Variants in TSPAN13 observed in about 807,000 individuals in gnomAD.
The protein encoded by TSPAN13 is tetraspanin-13.
In TSPAN13, 18 loss-of-function variants were observed where a neutral mutation model predicts 26.9. That is an observed-to-expected ratio of 0.67 (90% CI 0.46 to 0.99). The LOEUF (loss-of-function observed/expected upper bound fraction) is 0.99. Among genes scored for constraint, TSPAN13 ranks in the 50% least tolerant of loss-of-function variants. The probability of loss-of-function intolerance (pLI) is 0.00; values close to 1 mark genes in which losing one functional copy is unlikely to be tolerated. For missense variants in TSPAN13, 201 were observed against 249.6 expected, an observed-to-expected ratio of 0.81 and a Z score of 1.31; for synonymous variants, 116 against 98.4, an observed-to-expected ratio of 1.18 and a Z score of -1.06.
In TSPAN13 at chr7:16,784,055, T is replaced by C. The variant is rs1001856505; in HGVS notation, c.*564T>C. On this transcript the variant is annotated 3_prime_UTR_variant, in exon 6 of 6. Coordinates refer to ENST00000262067, the MANE Select transcript of TSPAN13 (RefSeq NM_014399.4). ...CTTTTATGATTACACCAATGTATTC[T>C]AGAAATAGTTATGTCTTAGGAAATT... The C allele has an allele frequency of 6.5e-6, 1 of 152,728 alleles. No individual in the cohort carries two copies. Among genetic ancestry groups the C allele is most frequent in the Non-Finnish European group, 1.5e-5 (1 of 68,100 alleles). 9.5% of individuals were successfully genotyped at this position (152,728 alleles called of 1,614,324 possible). A position where few individuals can be genotyped will look rare whatever the true frequency, so the allele number is the denominator to read the frequency against.
At chr7:16,761,485 A>C (rs2115323359) in intron 1 of TSPAN13, among the ~76,000 whole-genome samples, 1 of 152,178 alleles carries the variant, frequency 6.6e-6, no homozygotes, top group African/African-American at 2.4e-5. Flanking sequence ...CTCATTATGA[A>C]TGTTGAGGCA....
At chr7:16,776,075 ATTAAGT>A in intron 1 of TSPAN13, 130 bp from the exon 2 acceptor site, 1 of 698,918 alleles carries the variant, frequency 1.4e-6, no homozygotes, top group Non-Finnish European at 2.3e-6. Context: ...GTATTCTTGT[ATTAAGT>A]TTTAGTGCTT....
At chr7:16,754,118 C>A in intron 1 of TSPAN13, 88 bp downstream of exon 1, 1 of 1,353,406 alleles carries the variant, frequency 7.4e-7, no homozygotes, top group South Asian at 1.2e-5. Context: ...CAGCGACTCA[C>A]TCGTTGCATC....
chr7:16,780,925 T>G (rs1175206780), intron 5 of TSPAN13, among the ~76,000 whole-genome samples: 1 of 152,190 alleles, frequency 6.6e-6, no homozygotes, highest in Non-Finnish European at 1.5e-5. Flanking sequence ...GCAACCTGGT[T>G]TTTTAGATAG....
At position 16,783,524 on chromosome 7, in the gene TSPAN13, T is replaced by A. The variant is rs768471251; in HGVS notation, c.*33T>A. 1.9e-6 allele frequency: 3 copies of A among 1,595,592 alleles called. No homozygotes were observed. Among genetic ancestry groups the A allele is most frequent in the East Asian group, 4.5e-5 (2 of 44,812 alleles). On this transcript the variant is annotated 3_prime_UTR_variant, in exon 6 of 6. Coordinates refer to ENST00000262067, the MANE Select transcript of TSPAN13 (RefSeq NM_014399.4). ...ACAAGGAAGATTTCCTTTCGTATTA[T>A]GATCTTGTTCACTTTCTGTAATTTT...
chr7:16,781,019 C>T (rs1172186628), intron 5 of TSPAN13, among the ~76,000 whole-genome samples: 1 of 152,100 alleles, frequency 6.6e-6, no homozygotes, highest in African/African-American at 2.4e-5. Flanking sequence ...TGAAGGGATG[C>T]AGTTACTTAG....
intron 4 of TSPAN13, among the ~76,000 whole-genome samples, chr7:16,778,789 G>A (rs560342387): frequency 7.2e-5 from 11 of 152,118 alleles, no homozygotes; most frequent in Admixed American, 2.6e-4. Context: ...CAAGTTCCAC[G>A]CATACTCAAG....
At chr7:16,754,117 A>G (rs1213174115) in intron 1 of TSPAN13, 87 bp downstream of exon 1, 14 of 1,370,106 alleles carry the variant, frequency 1.0e-5, no homozygotes, top group Non-Finnish European at 1.3e-5. Flanking sequence ...TCAGCGACTC[A>G]CTCGTTGCAT....
chr7:16,780,655 G>C (rs1420602051), intron 5 of TSPAN13, among the ~76,000 whole-genome samples: 2 of 152,202 alleles, frequency 1.3e-5, no homozygotes, highest in African/African-American at 4.8e-5. Context: ...ACATCAGCTA[G>C]AGTCAGCAGT....
intron 4 of TSPAN13, 63 bp from the exon 5 acceptor site, chr7:16,778,940 G>A: frequency 1.5e-6 from 2 of 1,329,446 alleles, no homozygotes; most frequent in South Asian, 1.4e-5. Context: ...TGTGTATGCA[G>A]TTTTTATGGG....
intron 5 of TSPAN13, among the ~76,000 whole-genome samples, chr7:16,782,764 A>G (rs534533594): frequency 1.3e-5 from 2 of 152,334 alleles, no homozygotes; most frequent in African/African-American, 4.8e-5. Context: ...ATCAAAATAT[A>G]TGCTATTTTA....
chr7:16,773,665 A>T (rs60627064), intron 1 of TSPAN13, among the ~76,000 whole-genome samples: 10,341 of 152,284 alleles, frequency 0.068, 1,171 homozygotes, highest in African/African-American at 0.23. Flanking sequence ...CTATTTAAGC[A>T]GGTGTAACTT....
chr7:16,775,212 C>G (rs914506261), intron 1 of TSPAN13, among the ~76,000 whole-genome samples: 1 of 152,154 alleles, frequency 6.6e-6, no homozygotes, highest in Non-Finnish European at 1.5e-5. Flanking sequence ...CCACTCCTCC[C>G]CTAATACCTA....
chr7:16,760,891 C>T (rs1030157044), intron 1 of TSPAN13, among the ~76,000 whole-genome samples: 1 of 152,204 alleles, frequency 6.6e-6, no homozygotes, highest in African/African-American at 2.4e-5. Context: ...ACAATAAAGG[C>T]AATGTCGCAG....
chr7:16,779,958 A>G (rs1199959096), intron 5 of TSPAN13, among the ~76,000 whole-genome samples: 1 of 151,684 alleles, frequency 6.6e-6, no homozygotes, highest in African/African-American at 2.4e-5. Flanking sequence ...TTTTTAGTAG[A>G]GACGGGGTTT....
At chr7:16,774,315 T>C (rs1251386656) in intron 1 of TSPAN13, among the ~76,000 whole-genome samples, 3 of 152,202 alleles carry the variant, frequency 2.0e-5, no homozygotes, top group Admixed American at 2.0e-4. Context: ...TCTGTTTCTC[T>C]GGAAACAGAA....
intron 1 of TSPAN13, among the ~76,000 whole-genome samples, chr7:16,764,516 T>A (rs983955930): frequency 6.6e-6 from 1 of 152,070 alleles, no homozygotes; most frequent in African/African-American, 2.4e-5. Flanking sequence ...TATGTGAATG[T>A]ACGTGTATGT....
chr7:16,773,337 TAAAA>T (rs34398039), intron 1 of TSPAN13, among the ~76,000 whole-genome samples: 8 of 143,372 alleles, frequency 5.6e-5, no homozygotes, highest in Admixed American at 6.9e-5. Context: ...TTTTGAATGT[TAAAA>T]AAAAAAAAAA....
chr7:16,771,663 C>G (rs146570099), intron 1 of TSPAN13, among the ~76,000 whole-genome samples: 133 of 152,332 alleles, frequency 8.7e-4, no homozygotes, highest in African/African-American at 2.9e-3. Context: ...GAAACAGATT[C>G]TCCCTCTGGA....
Sources: allele counts gnomAD v4.1 joint callset (sites outside exome capture counted in the v4.1 genomes callset), GRCh38; gene constraint gnomAD v4.1.1; transcripts MANE v1.5; gene names NCBI Gene and HGNC (gene_info 2026-07-23, HGNC 2026-07-21).